TET1: variants seen among roughly 807,000 people sequenced by gnomAD.
TET1 encodes methylcytosine dioxygenase TET1.
TET1 carries 13 observed loss-of-function variants against 148.7 expected under a neutral mutation model. That is an observed-to-expected ratio of 0.09 (90% confidence interval 0.06 to 0.14). The LOEUF (loss-of-function observed/expected upper bound fraction) is 0.14. Among genes scored for constraint, TET1 ranks in the 10% least tolerant of loss-of-function variants. The pLI, the probability that TET1 is intolerant of heterozygous loss-of-function variation, is 1.00. For synonymous variants in TET1, 907 were observed against 937.2 expected, an observed-to-expected ratio of 0.97 and a Z score of 0.59; for missense variants, 2,182 against 2,553.8, an observed-to-expected ratio of 0.85 and a Z score of 3.14.
Position 68,645,317 on chromosome 10 carries a change from C to G in TET1, c.2588C>G (p.Pro863Arg), listed in dbSNP as rs748110423. 3 of 1,613,826 alleles carry G rather than the reference C, an allele frequency of 1.9e-6. No homozygotes were observed. The highest frequency in any genetic ancestry group is 2.5e-6 in the Non-Finnish European group (3 of 1,180,008). ...CAACCAAAAACTCCTGAGAATATAC[C>G]AAGTAAAGAACCAAAAGATGGATCT... ...GDQPKTPENI[P>R]SKEPKDGSPV... Residue 863 changes from proline to arginine, a missense_variant, in exon 4 of 12, where the codon CCA becomes CGA. Coordinates refer to ENST00000373644, the MANE Select transcript of TET1 (RefSeq NM_030625.3).
At chr10:68,661,834 A>G (rs76764209) in intron 6 of TET1, among the ~76,000 whole-genome samples, 2 of 150,156 alleles carry the variant, frequency 1.3e-5, no homozygotes, top group South Asian at 4.2e-4. Context: ...CACACACACA[A>G]AAAACCAAGT....
chr10:68,585,785 C>T (rs1280934354), intron 2 of TET1, among the ~76,000 whole-genome samples: 2 of 151,712 alleles, frequency 1.3e-5, no homozygotes, highest in Admixed American at 6.6e-5. Flanking sequence ...CTGAGGCGGG[C>T]GATCACAAGG....
rs752084564 is a variant in TET1 at position 68,572,635 on chromosome 10, C to T, written c.297C>T (p.Cys99=). ...VLFQNPESLT[C]NGFTMALRST... is the part of the protein sequence containing the mutation. Reference sequence around the variant, plus strand: ...TTCAGAACCCAGAGTCCTTAACCTGCAATGGGTTTACAATGGCGCTACGAA... The same window carrying T: ...TTCAGAACCCAGAGTCCTTAACCTGTAATGGGTTTACAATGGCGCTACGAA... The change falls in exon 2 of 12, where the codon TGC becomes TGT. Residue 99 remains cysteine, a synonymous_variant. Transcript: ENST00000373644. The T allele has an allele frequency of 6.8e-6, 11 of 1,614,156 alleles. No homozygotes were observed. The highest frequency in any genetic ancestry group is 9.3e-6 in the Non-Finnish European group (11 of 1,180,030).
At chr10:68,605,760 C>T (rs2054115005) in intron 3 of TET1, among the ~76,000 whole-genome samples, 1 of 152,180 alleles carries the variant, frequency 6.6e-6, no homozygotes, top group Non-Finnish European at 1.5e-5. Flanking sequence ...AGTGATCTGC[C>T]CACTGCAGCC....
intron 1 of TET1, among the ~76,000 whole-genome samples, chr10:68,561,161 T>G (rs2053548242): frequency 6.6e-6 from 1 of 151,976 alleles, no homozygotes; most frequent in Admixed American, 6.6e-5. Flanking sequence ...TCGGGGCGCC[T>G]CGGGGTGAGG....
At chr10:68,634,900 TA>T (rs2054628224) in intron 3 of TET1, among the ~76,000 whole-genome samples, 2 of 152,052 alleles carry the variant, frequency 1.3e-5, no homozygotes, top group Non-Finnish European at 2.9e-5. Flanking sequence ...TAGCTGAGAT[TA>T]CAGGTGTGTG....
rs111882182 is a variant in TET1, at chr10:68,688,591, C to T, written c.5404+1884C>T. ...CTGGGACTACAGGCACCCGCCACCA[C>T]GCCTGGCTAATTTTTTTTATATATT... On this transcript the variant is annotated intron_variant, in intron 11 of 11. Coordinates refer to ENST00000373644, the MANE Select transcript of TET1 (RefSeq NM_030625.3). Among the ~76,000 whole-genome samples the T allele has an allele frequency of 4.2e-3, 644 of 152,100 alleles. 2 individuals carry two copies. The highest frequency in any genetic ancestry group is 0.015 in the African/African-American group (612 of 41,484).
At chr10:68,609,257 G>T (rs956523040) in intron 3 of TET1, among the ~76,000 whole-genome samples, 1 of 152,048 alleles carries the variant, frequency 6.6e-6, no homozygotes, top group African/African-American at 2.4e-5. Flanking sequence ...CACCTCCCAG[G>T]TTCAAGTGAT....
chr10:68,577,110 C>T (rs2053740730), intron 2 of TET1, among the ~76,000 whole-genome samples: 1 of 152,206 alleles, frequency 6.6e-6, no homozygotes, highest in Non-Finnish European at 1.5e-5. Flanking sequence ...CAGGGTTTCA[C>T]CGTGTTAGCC....
chr10:68,606,388 T>G (rs901336646), intron 3 of TET1, among the ~76,000 whole-genome samples: 2 of 152,120 alleles, frequency 1.3e-5, no homozygotes, highest in African/African-American at 4.8e-5. Context: ...CAAAAAACCC[T>G]ACAAATGAAA....
Position 68,690,922 on chromosome 10 carries a change from C to G in TET1, c.5519C>G (p.Pro1840Arg). 4 of 1,614,220 alleles carry G rather than the reference C, an allele frequency of 2.5e-6. No homozygotes were observed. Among genetic ancestry groups the G allele is most frequent in the Non-Finnish European group, 3.4e-6 (4 of 1,180,046 alleles). ...TCGCTGATGCCATCCGCTCCTCACC[C>G]AGTGAAAGAGGCATCTCCAGGCTTC... ...TYSLMPSAPH[P>R]VKEASPGFSW... Residue 1840 changes from proline (P) to arginine (R), a missense_variant, in exon 12 of 12, where the codon CCA (proline) becomes CGA (arginine). Pro to Arg is a moderately radical substitution (Grantham distance 103). Around this residue, in one of 11 missense-constraint regions of TET1, gnomAD observed 380 missense variants for 387.9 expected, o/e 0.98. Transcript: ENST00000373644.
intron 1 of TET1, among the ~76,000 whole-genome samples, chr10:68,561,305 C>T (rs1590147904): frequency 6.6e-6 from 1 of 152,124 alleles, no homozygotes; most frequent in Admixed American, 6.5e-5. Flanking sequence ...GCTTTGGCGC[C>T]TGTCTCCCCG....
intron 4 of TET1, among the ~76,000 whole-genome samples, chr10:68,651,427 G>A (rs952316129): frequency 6.6e-6 from 1 of 152,024 alleles, no homozygotes; most frequent in Non-Finnish European, 1.5e-5. Flanking sequence ...CTCCAGCCTG[G>A]GCGACAGAGC....
In TET1 at chr10:68,686,603, C is replaced by T. The variant is rs886762862; in HGVS notation, c.5300C>T (p.Ala1767Val). ...KRAAMMTEVL[A>V]HKIRAVEKKP... ...GCTGCGATGATGACAGAGGTTCTTG[C>T]ACATAAGATAAGGGCAGTGGAAAAG... is the stretch of plus-strand genomic sequence containing the variant. The change falls in exon 11 of 12, where the codon GCA becomes GTA. Residue 1767 changes from alanine (A) to valine (V), a missense_variant. Around this residue, in one of 11 missense-constraint regions of TET1, gnomAD observed 380 missense variants for 387.9 expected, o/e 0.98. Coordinates refer to ENST00000373644, the MANE Select transcript of TET1 (RefSeq NM_030625.3). 5.4e-5 allele frequency: 87 copies of T among 1,614,052 alleles called. No homozygotes were observed. Among genetic ancestry groups the T allele is most frequent in the Non-Finnish European group, 7.2e-5 (85 of 1,180,036 alleles).
chr10:68,593,230 CAAAAAA>C (rs576381158), intron 2 of TET1, among the ~76,000 whole-genome samples: 2 of 43,184 alleles, frequency 4.6e-5, no homozygotes, highest in Admixed American at 3.0e-4. Flanking sequence ...AACTCTGTCT[CAAAAAA>C]AAAAAAAAAA....
intron 3 of TET1, among the ~76,000 whole-genome samples, chr10:68,639,014 G>A (rs1035488811): frequency 6.6e-6 from 1 of 151,968 alleles, no homozygotes; most frequent in Non-Finnish European, 1.5e-5. Context: ...TGGGTAGGAT[G>A]GTCCCAGAGC....
At chr10:68,582,304 G>A (rs1383444686) in intron 2 of TET1, among the ~76,000 whole-genome samples, 1 of 151,938 alleles carries the variant, frequency 6.6e-6, no homozygotes, top group African/African-American at 2.4e-5. Context: ...TCTCCATGTT[G>A]GTCAGGCTGG....
intron 3 of TET1, among the ~76,000 whole-genome samples, chr10:68,623,411 C>T (rs116304890): frequency 1.2e-3 from 183 of 152,270 alleles, no homozygotes; most frequent in African/African-American, 3.8e-3. Context: ...GAGGAGGAAA[C>T]AGCCTACTAC....
intron 9 of TET1, among the ~76,000 whole-genome samples, chr10:68,681,695 G>A (rs1022430632): frequency 1.2e-4 from 18 of 152,074 alleles, no homozygotes; most frequent in Admixed American, 3.9e-4. Flanking sequence ...GGCCAAGCTC[G>A]TTAGCTCACG....
Sources: allele counts gnomAD v4.1 joint callset (sites outside exome capture counted in the v4.1 genomes callset), GRCh38; gene constraint gnomAD v4.1.1; regional missense constraint gnomAD v4.1.1; transcripts MANE v1.5; gene names NCBI Gene and HGNC (gene_info 2026-07-23, HGNC 2026-07-21).